The following LAMA2 variants were observed in gnomAD, a reference collection of about 807,000 sequenced individuals.
LAMA2 encodes laminin subunit alpha-2.
LAMA2 carries 269 observed loss-of-function variants against 364.8 expected under a neutral mutation model. The observed-to-expected ratio is 0.74, with a 90% CI of 0.67 to 0.82. The LOEUF (loss-of-function observed/expected upper bound fraction) is 0.82, where lower values mean the gene tolerates loss of function less well. LAMA2 is among the 40% of genes least tolerant of loss of function. The pLI, the probability that LAMA2 is intolerant of heterozygous loss-of-function variation, is 0.00. For missense variants in LAMA2, 3,807 were observed against 3,873.2 expected (o/e 0.98, Z 0.45); for synonymous variants, 1,379 against 1,370.6 (o/e 1.01, Z -0.14).
intron 3 of LAMA2, among the ~76,000 whole-genome samples, chr6:129,094,626 TTC>T (rs1775061332): frequency 6.6e-6 from 1 of 152,196 alleles, no homozygotes; most frequent in South Asian, 2.1e-4. Context: ...AGTCTTATTT[TTC>T]TTAGTGGGTA....
intron 17 of LAMA2, among the ~76,000 whole-genome samples, chr6:129,279,108 A>G (rs998186576): frequency 2.0e-5 from 3 of 152,218 alleles, no homozygotes; most frequent in African/African-American, 7.2e-5. Flanking sequence ...AAATCTACTT[A>G]GGGAAAACAT....
At chr6:128,883,808 AC>A (rs1775984152) in intron 1 of LAMA2, among the ~76,000 whole-genome samples, 1 of 110,932 alleles carries the variant, frequency 9.0e-6, no homozygotes, top group Admixed American at 8.4e-5. Flanking sequence ...ATATACACAC[AC>A]ACACACACAC....
At chr6:129,452,928 G>A (rs1182202134) in intron 45 of LAMA2, 60 bp from the exon 46 acceptor site, 1 of 1,453,610 alleles carries the variant, frequency 6.9e-7, no homozygotes, top group Non-Finnish European at 9.6e-7. Context: ...TTGTATGGAA[G>A]CTACTTCAAA....
chr6:128,935,022 T>A (rs1202268138), intron 1 of LAMA2, among the ~76,000 whole-genome samples: 1 of 152,184 alleles, frequency 6.6e-6, no homozygotes, highest in Non-Finnish European at 1.5e-5. Flanking sequence ...CTTGGTTAAA[T>A]TTATTCGTAT....
chr6:129,008,007 C>G (rs1328929477), intron 1 of LAMA2, among the ~76,000 whole-genome samples: 1 of 152,144 alleles, frequency 6.6e-6, no homozygotes, highest in Non-Finnish European at 1.5e-5. Context: ...TAATGAAATA[C>G]ATCCTTGAGA....
chr6:129,149,176 G>T (rs1323984164), intron 7 of LAMA2, 80 bp downstream of exon 7: 6 of 864,614 alleles, frequency 6.9e-6, no homozygotes, highest in Admixed American at 1.7e-5. Flanking sequence ...TAGTGAAATG[G>T]CTGGTTATGC....
At chr6:129,465,116 C>T (rs777624458) in intron 50 of LAMA2, 29 bp from the exon 51 acceptor site, 45 of 1,583,618 alleles carry the variant, frequency 2.8e-5, no homozygotes, top group Middle Eastern at 1.7e-4. Flanking sequence ...GTGTATCTAA[C>T]CACTGGGGTA....
At chr6:129,282,822 G>GA (rs1788819477) in intron 18 of LAMA2, among the ~76,000 whole-genome samples, 1 of 151,984 alleles carries the variant, frequency 6.6e-6, no homozygotes, top group Non-Finnish European at 1.5e-5. Flanking sequence ...TTTTCTATTT[G>GA]AAAAAGGATG....
At chr6:128,949,831 G>A (rs1780702891) in intron 1 of LAMA2, among the ~76,000 whole-genome samples, 1 of 151,804 alleles carries the variant, frequency 6.6e-6, no homozygotes, top group Non-Finnish European at 1.5e-5. Context: ...TAAACATAAG[G>A]GCATATATTT....
In LAMA2 at chr6:129,481,257, T is replaced by C. The variant is rs1784331578; in HGVS notation, c.7573-6T>C. On this transcript the variant is annotated splice_region_variant and splice_polypyrimidine_tract_variant and intron_variant, in intron 54 of 64. Coordinates refer to ENST00000421865, the MANE Select transcript of LAMA2 (RefSeq NM_000426.4). The stretch of plus-strand genomic sequence containing the variant: ...GGTTTCTACTCTTCTTTTCCTTTAC[T>C]CACAGAATGTTTACACAGTTAGCTT... 5 of 1,612,460 alleles carry C rather than the reference T, an allele frequency of 3.1e-6. No individual in the cohort carries two copies. Among genetic ancestry groups the C allele is most frequent in the Non-Finnish European group, 4.2e-6 (5 of 1,178,502 alleles).
intron 31 of LAMA2, among the ~76,000 whole-genome samples, chr6:129,351,187 T>TG (rs2114588632): frequency 6.6e-6 from 1 of 152,152 alleles, no homozygotes; most frequent in African/African-American, 2.4e-5. Context: ...CAGTAATTCA[T>TG]GAAAAAAAAA....
chr6:128,951,252 A>T (rs1036301655), intron 1 of LAMA2, among the ~76,000 whole-genome samples: 6 of 150,116 alleles, frequency 4.0e-5, no homozygotes, highest in African/African-American at 1.3e-4. Flanking sequence ...TTATTAAAAA[A>T]ATAGGGATTT....
In LAMA2 at chr6:129,478,730, A is replaced by G. The variant is rs2114834489; in HGVS notation, c.7489A>G (p.Lys2497Glu). 1 of 1,613,348 alleles carries G rather than the reference A, an allele frequency of 6.2e-7. No individual in the cohort carries two copies. The highest frequency in any genetic ancestry group is 2.2e-5 in the East Asian group (1 of 44,850). ...VNLKKYSGCLKDIEISRTPYN... is the reference protein window; with the variant it reads ...VNLKKYSGCLEDIEISRTPYN... ...TCTGAAGAAATATTCCGGCTGCCTC[A>G]AAGATATTGAAATTTCAAGAACTCC... is the stretch of plus-strand genomic sequence containing the variant. The change falls in exon 54 of 65, where the codon AAA becomes GAA. Residue 2497 changes from lysine to glutamate, a missense_variant. Lys to Glu is a moderately conservative substitution (Grantham distance 56, BLOSUM62 1). Coordinates refer to ENST00000421865, the MANE Select transcript of LAMA2 (RefSeq NM_000426.4).
At chr6:129,512,308 G>A in intron 62 of LAMA2, 55 bp from the exon 63 acceptor site, 1 of 1,544,074 alleles carries the variant, frequency 6.5e-7, no homozygotes, top group Non-Finnish European at 8.9e-7. Flanking sequence ...GTACACGTTT[G>A]AATTAACAAT....
intron 43 of LAMA2, among the ~76,000 whole-genome samples, chr6:129,441,789 G>C (rs1158168102): frequency 1.3e-5 from 2 of 152,000 alleles, no homozygotes; most frequent in African/African-American, 4.8e-5. Context: ...GACCAGCCTG[G>C]GCACCATAGC....
intron 17 of LAMA2, among the ~76,000 whole-genome samples, chr6:129,273,338 G>A (rs1309808409): frequency 6.6e-6 from 1 of 152,154 alleles, no homozygotes. Context: ...GAGGAAAGCA[G>A]AAGTATTGCA....
intron 8 of LAMA2, among the ~76,000 whole-genome samples, chr6:129,159,750 C>A (rs1285456283): frequency 6.6e-6 from 1 of 152,150 alleles, no homozygotes; most frequent in African/African-American, 2.4e-5. Flanking sequence ...TTTATGGACA[C>A]CCTTTATCAG....
At chr6:129,333,126 A>G (rs1304732416) in intron 29 of LAMA2, among the ~76,000 whole-genome samples, 1 of 152,072 alleles carries the variant, frequency 6.6e-6, no homozygotes, top group Non-Finnish European at 1.5e-5. Context: ...TCCTGACCTC[A>G]AGTGATCTGC....
At chr6:128,919,249 G>A (rs910119568) in intron 1 of LAMA2, among the ~76,000 whole-genome samples, 11 of 152,146 alleles carry the variant, frequency 7.2e-5, no homozygotes, top group African/African-American at 2.7e-4. Flanking sequence ...ATTTATGTAT[G>A]AGCCATATAC....
Sources: allele counts gnomAD v4.1 joint callset (sites outside exome capture counted in the v4.1 genomes callset), GRCh38; gene constraint gnomAD v4.1.1; transcripts MANE v1.5; gene names NCBI Gene and HGNC (gene_info 2026-07-23, HGNC 2026-07-21).